PRKG1: variants seen among roughly 807,000 people sequenced by gnomAD.
PRKG1 encodes the protein cGMP-dependent protein kinase 1.
A neutral mutation model predicts 88.1 loss-of-function variants in PRKG1; 35 were observed. The ratio of observed to expected loss-of-function variants is 0.40; its 90% confidence interval spans 0.30 to 0.53. PRKG1 has a LOEUF of 0.53. Ranked by LOEUF, PRKG1 falls within the 20% of genes least tolerant of loss-of-function variation. The pLI, the probability that PRKG1 is intolerant of heterozygous loss-of-function variation, is 0.59. For missense variants in PRKG1, 540 were observed against 839.8 expected, an observed-to-expected ratio of 0.64 and a Z score of 4.41; for synonymous variants, 303 against 292.5, an observed-to-expected ratio of 1.04 and a Z score of -0.37.
chr10:51,731,903 A>T (rs191838697), intron 3 of PRKG1, among the ~76,000 whole-genome samples: 1 of 152,200 alleles, frequency 6.6e-6, no homozygotes, highest in Non-Finnish European at 1.5e-5. Flanking sequence ...CTTGGCTTGC[A>T]GATGGCTGCC....
At chr10:51,920,946 A>G (rs1016965884) in intron 5 of PRKG1, among the ~76,000 whole-genome samples, 8 of 152,118 alleles carry the variant, frequency 5.3e-5, no homozygotes, top group African/African-American at 1.4e-4. Flanking sequence ...TACATTTGTT[A>G]CAACTGATGA....
chr10:51,648,484 T>G (rs1839966247), intron 3 of PRKG1, among the ~76,000 whole-genome samples: 1 of 152,178 alleles, frequency 6.6e-6, no homozygotes, highest in African/African-American at 2.4e-5. Context: ...AGTCATGATA[T>G]ATTAATTTTT....
intron 5 of PRKG1, among the ~76,000 whole-genome samples, chr10:51,918,584 G>A (rs2879630): frequency 0.2 from 29,867 of 152,070 alleles, 3,418 homozygotes; most frequent in East Asian, 0.49. Flanking sequence ...GAAAGTGTTC[G>A]AAATGGTTGC....
At chr10:51,338,553 G>T (rs1023230155) in intron 2 of PRKG1, among the ~76,000 whole-genome samples, 17 of 152,136 alleles carry the variant, frequency 1.1e-4, no homozygotes, top group Non-Finnish European at 2.5e-4. Flanking sequence ...CATGGACCAG[G>T]GGCCATGGAA....
intron 1 of PRKG1, among the ~76,000 whole-genome samples, chr10:51,026,331 C>T (rs1419682909): frequency 2.6e-5 from 4 of 152,196 alleles, no homozygotes; most frequent in African/African-American, 7.2e-5. Context: ...CTCATGCCCT[C>T]ATGGGGAGAA....
At chr10:52,015,723 C>G (rs1288862332) in intron 5 of PRKG1, among the ~76,000 whole-genome samples, 3 of 152,146 alleles carry the variant, frequency 2.0e-5, no homozygotes, top group African/African-American at 7.2e-5. Flanking sequence ...TTTGTAAATG[C>G]ATATGACTAA....
chr10:51,994,483 G>C (rs1340318985), intron 5 of PRKG1, among the ~76,000 whole-genome samples: 1 of 152,078 alleles, frequency 6.6e-6, no homozygotes, highest in African/African-American at 2.4e-5. Context: ...ACCCCTCTGG[G>C]CATTTCCTCA....
intron 9 of PRKG1, among the ~76,000 whole-genome samples, chr10:52,194,805 C>A (rs1310246836): frequency 1.3e-5 from 2 of 152,140 alleles, no homozygotes. Flanking sequence ...ATGACATTTT[C>A]ATTTAAAAAA....
At chr10:51,884,724 A>G (rs1344041718) in intron 4 of PRKG1, among the ~76,000 whole-genome samples, 1 of 152,164 alleles carries the variant, frequency 6.6e-6, no homozygotes, top group Non-Finnish European at 1.5e-5. Flanking sequence ...ACAGTAGTTT[A>G]GGATGAGATT....
At chr10:52,075,976 CAT>C (rs1185506606) in intron 7 of PRKG1, among the ~76,000 whole-genome samples, 2 of 152,086 alleles carry the variant, frequency 1.3e-5, no homozygotes, top group South Asian at 2.1e-4. Context: ...TCAATATACA[CAT>C]ATAAATTTAA....
intron 3 of PRKG1, among the ~76,000 whole-genome samples, chr10:51,501,292 GAAC>G (rs1431956111): frequency 2.0e-5 from 3 of 152,132 alleles, no homozygotes; most frequent in African/African-American, 7.2e-5. Flanking sequence ...TTGGCTAAGG[GAAC>G]AACCAGATAA....
chr10:51,436,368 T>A (rs1242959012), intron 2 of PRKG1, among the ~76,000 whole-genome samples: 2 of 151,964 alleles, frequency 1.3e-5, no homozygotes, highest in Non-Finnish European at 2.9e-5. Context: ...CACTTTTGTA[T>A]TCTCTTGTCT....
chr10:51,104,403 A>C (rs572284744), intron 1 of PRKG1, among the ~76,000 whole-genome samples: 1 of 152,228 alleles, frequency 6.6e-6, no homozygotes, highest in Admixed American at 6.5e-5. Flanking sequence ...ACTGAAAGGC[A>C]TTACTGACAA....
chr10:52,292,620 A>G (rs1166231043), intron 17 of PRKG1, among the ~76,000 whole-genome samples: 4 of 150,504 alleles, frequency 2.7e-5, no homozygotes, highest in African/African-American at 4.9e-5. Flanking sequence ...CCATTGATCT[A>G]TATCTCTGTT....
chr10:51,247,539 A>G (rs1346466139), intron 2 of PRKG1, among the ~76,000 whole-genome samples: 3 of 151,972 alleles, frequency 2.0e-5, no homozygotes, highest in African/African-American at 7.2e-5. Context: ...TACACCCTTA[A>G]CAATTAAATA....
chr10:51,779,844 T>A (rs1363055690), intron 3 of PRKG1, among the ~76,000 whole-genome samples: 3 of 152,154 alleles, frequency 2.0e-5, no homozygotes, highest in Admixed American at 1.3e-4. Flanking sequence ...ACCATAGTCA[T>A]TTCCTGGTTA....
At chr10:51,817,347 A>AACCCCC (rs1564659070) in intron 4 of PRKG1, among the ~76,000 whole-genome samples, 2 of 129,586 alleles carry the variant, frequency 1.5e-5, no homozygotes, top group Non-Finnish European at 3.4e-5. Context: ...TCCCTCCCCA[A>AACCCCC]CCCCCCCCCT....
intron 3 of PRKG1, among the ~76,000 whole-genome samples, chr10:51,737,149 T>C (rs1276023418): frequency 6.6e-6 from 1 of 152,206 alleles, no homozygotes; most frequent in Non-Finnish European, 1.5e-5. Flanking sequence ...GAACTACTAT[T>C]TGAATAAAGA....
intron 2 of PRKG1, among the ~76,000 whole-genome samples, chr10:51,394,660 C>T (rs1464799928): frequency 6.6e-6 from 1 of 152,220 alleles, no homozygotes; most frequent in Non-Finnish European, 1.5e-5. Flanking sequence ...GCACTTTCTA[C>T]ACATTGCAAA....
Sources: gnomAD v4.1 joint callset for allele counts (sites outside exome capture counted in the v4.1 genomes callset) on GRCh38, gnomAD v4.1.1 for gene constraint, MANE v1.5 for transcripts, NCBI Gene and HGNC (gene_info 2026-07-23, HGNC 2026-07-21) for gene names.